The following CDC42BPA variants were observed in gnomAD, a reference collection of about 807,000 sequenced individuals.
The protein encoded by CDC42BPA is CDC42 binding protein kinase alpha.
A neutral mutation model predicts 223.5 loss-of-function variants in CDC42BPA; 80 were observed. The ratio of observed to expected loss-of-function variants is 0.36; its 90% confidence interval spans 0.30 to 0.43. The LOEUF (loss-of-function observed/expected upper bound fraction) is 0.43, where lower values mean the gene tolerates loss of function less well. CDC42BPA is among the 20% of genes least tolerant of loss of function. CDC42BPA has a pLI of 1.00. For synonymous variants in CDC42BPA, 694 were observed against 718.6 expected (o/e 0.97, Z 0.55); for missense variants, 1,743 against 2,099.9 (o/e 0.83, Z 3.32).
chr1:227,105,497 G>GC (rs1236307060), intron 14 of CDC42BPA, among the ~76,000 whole-genome samples: 1 of 151,174 alleles, frequency 6.6e-6, no homozygotes, highest in Non-Finnish European at 1.5e-5. Context: ...GGGACTACAG[G>GC]CATCTACCAC....
rs535450609 is a variant in CDC42BPA at position 227,276,370 on chromosome 1, G to A, written c.179-22215C>T. Among the ~76,000 whole-genome samples, 3 of 151,476 alleles carry A rather than the reference G, an allele frequency of 2.0e-5. No homozygotes were observed. The East Asian group carries it at 5.9e-4, about 30-fold the overall frequency. ...CCGGCCGCCCCGTCTGAGAAGTGAGGAGCCCCTCCGCCCAGCAGCCGCCCC... is the reference window on the plus strand; with the variant it reads ...CCGGCCGCCCCGTCTGAGAAGTGAGAAGCCCCTCCGCCCAGCAGCCGCCCC... On this transcript the variant is annotated intron_variant, in intron 1 of 36. Transcript: ENST00000366766.
intron 1 of CDC42BPA, among the ~76,000 whole-genome samples, chr1:227,286,965 G>A (rs537476120): frequency 3.3e-5 from 5 of 152,128 alleles, no homozygotes; most frequent in East Asian, 1.9e-4. Context: ...CAAACACAGT[G>A]AGAACTCACA....
At chr1:227,065,511 T>C (rs546981895) in intron 21 of CDC42BPA, among the ~76,000 whole-genome samples, 24 of 152,214 alleles carry the variant, frequency 1.6e-4, no homozygotes, top group Non-Finnish European at 2.9e-4. Context: ...CATACAAGTA[T>C]TGGCCAAACA....
chr1:227,060,020 G>GTTTTTTTTT (rs143944932), intron 21 of CDC42BPA, among the ~76,000 whole-genome samples: 4 of 94,186 alleles, frequency 4.2e-5, no homozygotes, highest in African/African-American at 2.0e-4. Flanking sequence ...ATCTCAAAAA[G>GTTTTTTTTT]TTTTTTTTTG....
chr1:227,263,401 C>T (rs867232765), intron 1 of CDC42BPA, among the ~76,000 whole-genome samples: 3 of 152,060 alleles, frequency 2.0e-5, no homozygotes, highest in East Asian at 1.9e-4. Context: ...CTTAAATCTT[C>T]GTTATTTGTG....
At chr1:227,295,591 T>C (rs1690518613) in intron 1 of CDC42BPA, among the ~76,000 whole-genome samples, 1 of 152,238 alleles carries the variant, frequency 6.6e-6, no homozygotes, top group South Asian at 2.1e-4. Flanking sequence ...AAATTAAGTT[T>C]AGCTCTAACA....
intron 16 of CDC42BPA, among the ~76,000 whole-genome samples, chr1:227,083,494 G>A (rs576678213): frequency 3.3e-5 from 5 of 152,144 alleles, no homozygotes; most frequent in East Asian, 1.9e-4. Flanking sequence ...TTCATACTGC[G>A]AACTCCTGCG....
intron 1 of CDC42BPA, among the ~76,000 whole-genome samples, chr1:227,314,730 C>T (rs1694088150): frequency 7.6e-6 from 1 of 132,408 alleles, no homozygotes; most frequent in Non-Finnish European, 1.7e-5. Flanking sequence ...ATTAATACTG[C>T]GTTCCTGTTG....
At chr1:227,178,904 T>C (rs1667430398) in intron 5 of CDC42BPA, among the ~76,000 whole-genome samples, 1 of 152,242 alleles carries the variant, frequency 6.6e-6, no homozygotes, top group African/African-American at 2.4e-5. Flanking sequence ...AATTTTGGAC[T>C]GCACTGTGTA....
At chr1:227,071,689 C>A (rs892687631) in intron 20 of CDC42BPA, among the ~76,000 whole-genome samples, 3 of 146,228 alleles carry the variant, frequency 2.1e-5, no homozygotes, top group African/African-American at 5.1e-5. Flanking sequence ...ACATTGTTTC[C>A]TCAACTACCC....
At chr1:226,995,679 G>T (rs528672452) in intron 35 of CDC42BPA, among the ~76,000 whole-genome samples, 1 of 152,278 alleles carries the variant, frequency 6.6e-6, no homozygotes, top group South Asian at 2.1e-4. Context: ...GTTGGGGTAG[G>T]TAACAGTGGA....
chr1:227,226,145 T>C (rs972827513), intron 2 of CDC42BPA, among the ~76,000 whole-genome samples: 1 of 152,214 alleles, frequency 6.6e-6, no homozygotes, highest in Non-Finnish European at 1.5e-5. Context: ...TTGGCCTGGA[T>C]GCCCATATTT....
At chr1:227,046,407 C>A (rs1672458788) in intron 23 of CDC42BPA, among the ~76,000 whole-genome samples, 1 of 152,112 alleles carries the variant, frequency 6.6e-6, no homozygotes, top group Non-Finnish European at 1.5e-5. Flanking sequence ...GGGAGCTAAG[C>A]AGAGGAAAGG....
intron 27 of CDC42BPA, 57 bp downstream of exon 27, chr1:227,033,277 A>G: frequency 8.5e-7 from 1 of 1,170,220 alleles, no homozygotes; most frequent in Non-Finnish European, 1.3e-6. Context: ...TAGGGAGGCA[A>G]AATATACTCA....
intron 1 of CDC42BPA, among the ~76,000 whole-genome samples, chr1:227,271,706 T>G (rs1171594890): frequency 6.6e-6 from 1 of 152,130 alleles, no homozygotes; most frequent in Non-Finnish European, 1.5e-5. Flanking sequence ...CCAAAAAAAG[T>G]CTTCAGTATT....
At chr1:227,053,608 C>T (rs1673976090) in intron 21 of CDC42BPA, among the ~76,000 whole-genome samples, 1 of 152,106 alleles carries the variant, frequency 6.6e-6, no homozygotes, top group South Asian at 2.1e-4. Flanking sequence ...AACTCAAGTC[C>T]AAATTCAGCA....
At chr1:227,067,579 TTC>T (rs1401390961) in intron 21 of CDC42BPA, among the ~76,000 whole-genome samples, 1 of 152,122 alleles carries the variant, frequency 6.6e-6, no homozygotes, top group Non-Finnish European at 1.5e-5. Flanking sequence ...ACGAGGAGAG[TTC>T]TCTTTTTATC....
At chr1:227,269,610 T>C (rs1321575856) in intron 1 of CDC42BPA, among the ~76,000 whole-genome samples, 1 of 152,122 alleles carries the variant, frequency 6.6e-6, no homozygotes, top group African/African-American at 2.4e-5. Flanking sequence ...AATATATTTG[T>C]AACAAATATT....
chr1:227,040,649 G>A (rs1225370706), intron 23 of CDC42BPA, among the ~76,000 whole-genome samples: 2 of 152,082 alleles, frequency 1.3e-5, no homozygotes, highest in Non-Finnish European at 2.9e-5. Context: ...AGGAAAAAGA[G>A]TTATTTAAAA....
Sources: allele counts gnomAD v4.1 joint callset (sites outside exome capture counted in the v4.1 genomes callset), GRCh38; gene constraint gnomAD v4.1.1; transcripts MANE v1.5; gene names NCBI Gene and HGNC (gene_info 2026-07-23, HGNC 2026-07-21).